The following SPG21 variants were observed in gnomAD, a reference collection of about 807,000 sequenced individuals.
The protein encoded by SPG21 is maspardin.
In SPG21, 26 loss-of-function variants were observed where a neutral mutation model predicts 38.9. The ratio of observed to expected loss-of-function variants is 0.67; its 90% confidence interval spans 0.49 to 0.93. SPG21 has a LOEUF of 0.93. Ranked by LOEUF, SPG21 falls within the 40% of genes least tolerant of loss-of-function variation. SPG21 has a pLI of 0.00. For synonymous variants in SPG21, 136 were observed against 128.9 expected (o/e 1.05, Z -0.37); for missense variants, 333 against 376.5 (o/e 0.88, Z 0.96).
At chr15:64,977,699 G>T (rs960099559) in intron 3 of SPG21, among the ~76,000 whole-genome samples, 7 of 151,624 alleles carry the variant, frequency 4.6e-5, no homozygotes, top group Admixed American at 1.3e-4. Flanking sequence ...ACTTCTGTTT[G>T]TGACAAAAGA....
chr15:64,972,050 G>A (rs768454759), intron 5 of SPG21, among the ~76,000 whole-genome samples: 1 of 152,104 alleles, frequency 6.6e-6, no homozygotes, highest in African/African-American at 2.4e-5. Flanking sequence ...CCATCATGGA[G>A]GGCAAACACT....
At chr15:64,989,622 T>G (rs1327462842) in intron 1 of SPG21, 43 bp downstream of exon 1, 1 of 153,390 alleles carries the variant, frequency 6.5e-6, no homozygotes, top group African/African-American at 2.4e-5. Context: ...CAACCCCGCA[T>G]ACCGCACACC....
chr15:64,967,923 C>G (rs1379898826), intron 7 of SPG21, among the ~76,000 whole-genome samples: 1 of 152,148 alleles, frequency 6.6e-6, no homozygotes, highest in Non-Finnish European at 1.5e-5. Flanking sequence ...TATACTTTTA[C>G]ACCAATGTTC....
Position 64,977,232 on chromosome 15 carries a change from T to G in SPG21, c.226-677A>C, listed in dbSNP as rs543648622. ...GATGTCCACCACCACACCCAGCTGA[T>G]TTTTGTATTTTTAGTACAGACACAG... On this transcript the variant is annotated intron_variant, in intron 3 of 8. Coordinates refer to ENST00000204566, the MANE Select transcript of SPG21 (RefSeq NM_016630.7). Among the ~76,000 whole-genome samples, 4 of 152,212 alleles carry G rather than the reference T, an allele frequency of 2.6e-5. 1 individual carries two copies. The South Asian group carries it at 8.3e-4, about 32-fold the overall frequency.
At chr15:64,970,720 GATTT>G (rs2085644961) in intron 5 of SPG21, among the ~76,000 whole-genome samples, 1 of 152,052 alleles carries the variant, frequency 6.6e-6, no homozygotes, top group Non-Finnish European at 1.5e-5. Context: ...GATATTTATA[GATTT>G]ATTTTTTAAA....
At position 64,965,460 on chromosome 15, in the gene SPG21, C is replaced by T. The variant is rs2140406234; in HGVS notation, c.670G>A (p.Val224Met). 6.2e-7 allele frequency: 1 copy of T among 1,614,122 alleles called. No individual in the cohort carries two copies. The highest frequency in any genetic ancestry group is 8.5e-7 in the Non-Finnish European group (1 of 1,180,026). ...GTTGAAAGCGCACTCTGATCAAACACCTTTAAAAAACACAAAGCTTCAGCA... is the reference window on the plus strand; with the variant it reads ...GTTGAAAGCGCACTCTGATCAAACATCTTTAAAAAACACAAAGCTTCAGCA... ...IRDIPVTIMD[V>M]FDQSALSTEA... Residue 224 changes from valine (V) to methionine (M), a missense_variant and splice_region_variant, in exon 8 of 9, where the codon GTG (valine) becomes ATG (methionine). By Grantham distance (21) the Val-to-Met change is conservative. Transcript: ENST00000204566.
At chr15:64,965,990 C>G (rs2140407526) in intron 7 of SPG21, among the ~76,000 whole-genome samples, 1 of 152,270 alleles carries the variant, frequency 6.6e-6, no homozygotes, top group Non-Finnish European at 1.5e-5. Flanking sequence ...GCGTGAGCCA[C>G]CAAGCCCGGC....
chr15:64,980,995 A>G lies in SPG21; in HGVS notation c.94T>C (p.Trp32Arg), dbSNP rs921140524. 1 of 1,614,204 alleles carries G rather than the reference A, an allele frequency of 6.2e-7. No homozygotes were observed. The highest frequency in any genetic ancestry group is 1.7e-5 in the Admixed American group (1 of 60,016). ...IIVDDDDSKI[W>R]SLYDAGPRSI... ...CGGGGGCCCGCGTCATAGAGCGACC[A>G]TATCTTACTGTCATCATCATCCACA... The change falls in exon 3 of 9, where the codon TGG (tryptophan) becomes CGG (arginine). Residue 32 changes from tryptophan to arginine, a missense_variant. Transcript: ENST00000204566.
In SPG21 at chr15:64,980,985, T is replaced by C. The variant is rs200124791; in HGVS notation, c.104A>G (p.Tyr35Cys). The C allele has an allele frequency of 9.5e-5, 153 of 1,613,998 alleles. No homozygotes were observed. The highest frequency in any genetic ancestry group is 1.2e-4 in the Non-Finnish European group (140 of 1,180,020). Reference sequence around the variant, plus strand: ...CCTGATACTTCGGGGGCCCGCGTCATAGAGCGACCATATCTTACTGTCATC... The same window carrying C: ...CCTGATACTTCGGGGGCCCGCGTCACAGAGCGACCATATCTTACTGTCATC... ...DDDDSKIWSL[Y>C]DAGPRSIRCP... Residue 35 changes from tyrosine to cysteine, a missense_variant, in exon 3 of 9, where the codon TAT becomes TGT. Physicochemically the swap from Tyr to Cys is radical, Grantham distance 194. Coordinates refer to ENST00000204566, the MANE Select transcript of SPG21 (RefSeq NM_016630.7).
At chr15:64,988,194 C>T (rs540534484) in intron 1 of SPG21, among the ~76,000 whole-genome samples, 23 of 152,166 alleles carry the variant, frequency 1.5e-4, no homozygotes, top group African/African-American at 5.5e-4. Context: ...TGCACTCCAG[C>T]CTGGGCGACA....
intron 3 of SPG21, among the ~76,000 whole-genome samples, chr15:64,979,301 G>A (rs2085842523): frequency 6.6e-6 from 1 of 152,122 alleles, no homozygotes; most frequent in Non-Finnish European, 1.5e-5. Flanking sequence ...TGGGTTGCTC[G>A]GTTTCCCCCT....
intron 3 of SPG21, among the ~76,000 whole-genome samples, chr15:64,979,893 C>A (rs1250465031): frequency 4.7e-5 from 7 of 149,864 alleles, no homozygotes; most frequent in Non-Finnish European, 1.0e-4. Context: ...GAGTGCCTTT[C>A]CCACACACCT....
chr15:64,968,255 G>A (rs994381265), intron 7 of SPG21, among the ~76,000 whole-genome samples: 19 of 145,708 alleles, frequency 1.3e-4, no homozygotes, highest in African/African-American at 4.5e-4. Flanking sequence ...AGGGAGGATT[G>A]TTTGGGCCCG....
chr15:64,989,104 A>G (rs1223131541), intron 1 of SPG21: 1 of 152,226 alleles, frequency 6.6e-6, no homozygotes, highest in Non-Finnish European at 1.5e-5. Context: ...ACTCCCCAGG[A>G]AAACGAGAAG....
At chr15:64,981,118 T>C in intron 2 of SPG21, 93 bp from the exon 3 acceptor site, 1 of 1,473,314 alleles carries the variant, frequency 6.8e-7, no homozygotes, top group South Asian at 1.2e-5. Context: ...ATTTTACTAC[T>C]ACTGCCTTGT....
At chr15:64,986,114 T>A (rs145676410) in intron 1 of SPG21, among the ~76,000 whole-genome samples, 7,186 of 152,322 alleles carry the variant, frequency 0.047, 593 homozygotes, top group African/African-American at 0.16. Context: ...ACGCCTGTAA[T>A]CCCAGCATTT....
At chr15:64,981,080 G>A in intron 2 of SPG21, 55 bp from the exon 3 acceptor site, 1 of 1,604,268 alleles carries the variant, frequency 6.2e-7, no homozygotes, top group Non-Finnish European at 8.5e-7. Flanking sequence ...TGCTTTTTAT[G>A]TTATTTTACA....
Position 64,976,196 on chromosome 15 carries a change from G to A in SPG21, c.306+279C>T, listed in dbSNP as rs564313979. Among the ~76,000 whole-genome samples the A allele has an allele frequency of 8.0e-4, 122 of 151,896 alleles. 2 individuals carry two copies. In the East Asian group the frequency reaches 0.022, roughly 28 times the overall value. ...TCCCAGCACTTAGGGAGGCTGAGGC[G>A]GGCGGATCACTTGAGGTCAGGAGTT... On this transcript the variant is annotated intron_variant, in intron 4 of 8. Coordinates refer to ENST00000204566, the MANE Select transcript of SPG21 (RefSeq NM_016630.7).
At chr15:64,963,986 G>A (rs1295686845) in intron 8 of SPG21, among the ~76,000 whole-genome samples, 6 of 151,980 alleles carry the variant, frequency 3.9e-5, no homozygotes, top group African/African-American at 1.5e-4. Flanking sequence ...TGAACTCCTG[G>A]CCTCAAGTGA....
Sources: allele counts gnomAD v4.1 joint callset (sites outside exome capture counted in the v4.1 genomes callset), GRCh38; gene constraint gnomAD v4.1.1; transcripts MANE v1.5; gene names NCBI Gene and HGNC (gene_info 2026-07-23, HGNC 2026-07-21).